Variants in CPNE4 observed in about 807,000 individuals in gnomAD.
The protein encoded by CPNE4 is copine-4.
In CPNE4, 25 loss-of-function variants were observed where a neutral mutation model predicts 67.9. That is an observed-to-expected ratio of 0.37 (90% CI 0.27 to 0.51). CPNE4 has a LOEUF of 0.51. Ranked by LOEUF, CPNE4 falls within the 20% of genes least tolerant of loss-of-function variation. CPNE4 has a pLI of 0.93. For missense variants in CPNE4, 464 were observed against 690.8 expected, an observed-to-expected ratio of 0.67 and a Z score of 3.68; for synonymous variants, 242 against 244.9, an observed-to-expected ratio of 0.99 and a Z score of 0.11.
At position 131,841,926 on chromosome 3, in the gene CPNE4, G is replaced by C. The variant is rs147160593; in HGVS notation, c.180+63338C>G. 2.2e-4 allele frequency among the ~76,000 whole-genome samples: 33 copies of C among 152,334 alleles called. No individual in the cohort carries two copies. The South Asian group carries it at 5.0e-3, about 23-fold the overall frequency. On this transcript the variant is annotated intron_variant, in intron 2 of 15. Coordinates refer to ENST00000429747, the MANE Select transcript of CPNE4 (RefSeq NM_130808.3). The stretch of plus-strand genomic sequence containing the variant: ...AAATAAAAGTTCTGCCTGAGTTAGA[G>C]ATGCCTGGAGAGAGGGTGTGTGCGT...
chr3:131,668,413 C>A (rs11711215), intron 7 of CPNE4, among the ~76,000 whole-genome samples: 14,273 of 152,218 alleles, frequency 0.094, 763 homozygotes, highest in Non-Finnish European at 0.11. Context: ...GAGAAGTCAA[C>A]ATGAATGTTT....
chr3:131,896,038 A>G (rs1204670742), intron 2 of CPNE4, among the ~76,000 whole-genome samples: 1 of 149,788 alleles, frequency 6.7e-6, no homozygotes, highest in Non-Finnish European at 1.5e-5. Flanking sequence ...TTTTACTTCT[A>G]GGAAAAAAAA....
chr3:131,721,561 A>AT (rs757872288), intron 3 of CPNE4, among the ~76,000 whole-genome samples: 2 of 151,722 alleles, frequency 1.3e-5, no homozygotes, highest in African/African-American at 2.4e-5. Flanking sequence ...ACACCCGGCT[A>AT]TTTTTTTGTA....
chr3:131,575,113 A>C lies in CPNE4; in HGVS notation c.885T>G (p.Ser295=), dbSNP rs772075022. ...LNLCKIHKMH[S]FLDYIMGGCQ... is the part of the protein sequence containing the mutation. ...AGCCACCCATGATGTAGTCCAAGAA[A>C]GAATGCATCTTGTGAATCTGCATAG... Residue 295 remains serine, a synonymous_variant, in exon 10 of 16, where the codon TCT becomes TCG. Coordinates refer to ENST00000429747, the MANE Select transcript of CPNE4 (RefSeq NM_130808.3). 8 of 1,612,718 alleles carry C rather than the reference A, an allele frequency of 5.0e-6. No individual in the cohort carries two copies. The highest frequency in any genetic ancestry group is 4.4e-5 in the South Asian group (4 of 91,032).
intron 1 of CPNE4, among the ~76,000 whole-genome samples, chr3:131,964,151 A>C (rs1208663152): frequency 1.3e-5 from 2 of 152,154 alleles, no homozygotes; most frequent in East Asian, 3.9e-4. Flanking sequence ...AAGAAAAACT[A>C]ACAAACAGAA....
chr3:131,904,297 CCTTA>C (rs562968499), intron 2 of CPNE4, among the ~76,000 whole-genome samples: 135 of 152,230 alleles, frequency 8.9e-4, no homozygotes, highest in African/African-American at 3.2e-3. Context: ...ATCCCCATCT[CCTTA>C]CTTCTGAATC....
chr3:131,933,580 T>G (rs976716117), intron 1 of CPNE4, among the ~76,000 whole-genome samples: 1 of 152,310 alleles, frequency 6.6e-6, no homozygotes, highest in South Asian at 2.1e-4. Context: ...TACATTCTTA[T>G]ATTCACTGCA....
chr3:131,802,658 A>T (rs2084174037), intron 2 of CPNE4, among the ~76,000 whole-genome samples: 1 of 152,216 alleles, frequency 6.6e-6, no homozygotes, highest in African/African-American at 2.4e-5. Flanking sequence ...ATGACATCAA[A>T]ATACAGACAT....
At chr3:131,563,251 T>G (rs1391862193) in intron 11 of CPNE4, among the ~76,000 whole-genome samples, 1 of 152,068 alleles carries the variant, frequency 6.6e-6, no homozygotes, top group Non-Finnish European at 1.5e-5. Flanking sequence ...CTTTCTTTAT[T>G]TTCCTGGTTT....
intron 10 of CPNE4, among the ~76,000 whole-genome samples, chr3:131,570,173 C>T (rs1427284098): frequency 1.3e-5 from 2 of 151,556 alleles, no homozygotes; most frequent in Non-Finnish European, 2.9e-5. Context: ...TTCATGTAGC[C>T]ATTACCTTAT....
chr3:131,690,732 A>G (rs2081015014), intron 5 of CPNE4, among the ~76,000 whole-genome samples: 1 of 13,758 alleles, frequency 7.3e-5, no homozygotes, highest in Admixed American at 5.0e-4. Context: ...CTGCACAGTT[A>G]AAAAAAAAAC....
At chr3:131,662,810 A>G (rs2107644669) in intron 7 of CPNE4, among the ~76,000 whole-genome samples, 1 of 152,312 alleles carries the variant, frequency 6.6e-6, no homozygotes, top group South Asian at 2.1e-4. Context: ...AAGTCGGGAA[A>G]CAACAGATGC....
At chr3:131,828,179 T>C (rs1489385970) in intron 2 of CPNE4, among the ~76,000 whole-genome samples, 2 of 152,196 alleles carry the variant, frequency 1.3e-5, no homozygotes, top group African/African-American at 2.4e-5. Flanking sequence ...CTCACTGCTC[T>C]TTTTTCATTG....
intron 2 of CPNE4, among the ~76,000 whole-genome samples, chr3:131,758,325 C>G (rs993506218): frequency 6.6e-6 from 1 of 152,152 alleles, no homozygotes. Context: ...GGATGTGAGA[C>G]CTGGAGTCAA....
At chr3:131,565,952 A>C (rs868016096) in intron 10 of CPNE4, among the ~76,000 whole-genome samples, 10 of 151,958 alleles carry the variant, frequency 6.6e-5, no homozygotes, top group Middle Eastern at 3.2e-3. Context: ...ACTGTGTGTG[A>C]CACAGAGGGC....
At chr3:131,999,978 A>G (rs1235275739) in intron 1 of CPNE4, among the ~76,000 whole-genome samples, 2 of 151,710 alleles carry the variant, frequency 1.3e-5, no homozygotes, top group East Asian at 3.9e-4. Flanking sequence ...GTCATTTAAC[A>G]TTTTCTTGAT....
At position 131,727,384 on chromosome 3, in the gene CPNE4, G is replaced by A. The variant is rs1391674224; in HGVS notation, c.181-3759C>T. Among the ~76,000 whole-genome samples, 7 of 152,092 alleles carry A rather than the reference G, an allele frequency of 4.6e-5. No individual in the cohort carries two copies. The East Asian group carries it at 1.2e-3, about 25-fold the overall frequency. On this transcript the variant is annotated intron_variant, in intron 2 of 15. Coordinates refer to ENST00000429747, the MANE Select transcript of CPNE4 (RefSeq NM_130808.3). The stretch of plus-strand genomic sequence containing the variant: ...CCGAGGAGGGTGGATCACAAAGTCA[G>A]GAAATCAAGACCATCCTGCCTAACA...
chr3:131,726,967 A>T (rs1182415821), intron 2 of CPNE4, among the ~76,000 whole-genome samples: 1 of 152,204 alleles, frequency 6.6e-6, no homozygotes, highest in Non-Finnish European at 1.5e-5. Context: ...GTGAATGCTT[A>T]TCTTCTCTCT....
At chr3:131,871,495 C>T (rs1266079259) in intron 2 of CPNE4, among the ~76,000 whole-genome samples, 1 of 152,074 alleles carries the variant, frequency 6.6e-6, no homozygotes, top group East Asian at 1.9e-4. Context: ...TTTTCCTCAG[C>T]TTTTTATGCT....
Sources: allele counts gnomAD v4.1 joint callset (sites outside exome capture counted in the v4.1 genomes callset), GRCh38; gene constraint gnomAD v4.1.1; transcripts MANE v1.5; gene names NCBI Gene and HGNC (gene_info 2026-07-23, HGNC 2026-07-21).